Variants in PCDHGA3 observed in about 807,000 individuals in gnomAD.
PCDHGA3 encodes protocadherin gamma-A3.
A neutral mutation model predicts 58.5 loss-of-function variants in PCDHGA3; 40 were observed. The ratio of observed to expected loss-of-function variants is 0.68; its 90% confidence interval spans 0.53 to 0.89. The LOEUF (loss-of-function observed/expected upper bound fraction) is 0.89. PCDHGA3 is among the 40% of genes least tolerant of loss of function. The pLI is 0.00. For synonymous variants in PCDHGA3, 530 were observed against 525.7 expected (o/e 1.01, Z -0.11); for missense variants, 1,223 against 1,195.9 (o/e 1.02, Z -0.33).
chr5:141,344,204 G>A lies in PCDHGA3; in HGVS notation c.171G>A (p.Arg57=). Reference sequence around the variant, plus strand: ...CTAACGACCTGGGGCTAGAGCCCCGGGAGCTGGCGGAGCGCGGAGTCCGCA... The same window carrying A: ...CTAACGACCTGGGGCTAGAGCCCCGAGAGCTGGCGGAGCGCGGAGTCCGCA... The part of the protein sequence containing the change: ...NIANDLGLEP[R]ELAERGVRIV... The change falls in exon 1 of 4, where the codon CGG becomes CGA. Residue 57 remains arginine, a synonymous_variant. Transcript: ENST00000253812. The A allele has an allele frequency of 6.2e-7, 1 of 1,614,036 alleles. No homozygotes were observed. Among genetic ancestry groups the A allele is most frequent in the East Asian group, 2.2e-5 (1 of 44,880 alleles).
At chr5:141,420,291 G>A in intron 1 of PCDHGA3, 1 of 1,494,346 alleles carries the variant, frequency 6.7e-7, no homozygotes, top group Non-Finnish European at 9.0e-7. Context: ...ATTTAAAAAT[G>A]TATTTAATCC....
chr5:141,405,195 C>T, intron 1 of PCDHGA3: 1 of 1,613,786 alleles, frequency 6.2e-7, no homozygotes. Context: ...GGGGTTCGAG[C>T]TTTCCTACAG....
chr5:141,356,031 G>T (rs759003895), intron 1 of PCDHGA3: 1 of 1,613,836 alleles, frequency 6.2e-7, no homozygotes, highest in Admixed American at 1.7e-5. Flanking sequence ...ATGGAGACGT[G>T]ACGTATTCTT....
chr5:141,383,563 C>A, intron 1 of PCDHGA3: 2 of 1,613,150 alleles, frequency 1.2e-6, no homozygotes, highest in Non-Finnish European at 1.7e-6. Context: ...CGACCCGCCC[C>A]GATCCAGCAC....
intron 1 of PCDHGA3, chr5:141,403,394 C>A: frequency 6.2e-7 from 1 of 1,614,054 alleles, no homozygotes; most frequent in South Asian, 1.1e-5. Flanking sequence ...AATCGCGGTT[C>A]CTGGAGCACG....
At chr5:141,351,931 G>C in intron 1 of PCDHGA3, 2 of 1,613,280 alleles carry the variant, frequency 1.2e-6, no homozygotes, top group Non-Finnish European at 1.7e-6. Flanking sequence ...ATGCGCCACG[G>C]GTGCTGTACC....
intron 1 of PCDHGA3, chr5:141,384,132 C>T (rs1290502346): frequency 6.2e-7 from 1 of 1,611,710 alleles, no homozygotes; most frequent in Non-Finnish European, 8.5e-7. Context: ...AAAACTTGGA[C>T]CGGGAAACAC....
chr5:141,360,455 A>G (rs369787624), intron 1 of PCDHGA3: 1 of 1,613,980 alleles, frequency 6.2e-7, no homozygotes, highest in Non-Finnish European at 8.5e-7. Context: ...CTGGATTTCG[A>G]TACTGTCGCT....
intron 1 of PCDHGA3, chr5:141,405,141 A>G (rs749502643): frequency 6.2e-7 from 1 of 1,613,980 alleles, no homozygotes; most frequent in South Asian, 1.1e-5. Flanking sequence ...GCTACCAGTG[A>G]TGGGTTGGCT....
intron 1 of PCDHGA3, chr5:141,375,707 C>T (rs1483627086): frequency 1.1e-5 from 17 of 1,614,146 alleles, no homozygotes; most frequent in Non-Finnish European, 1.3e-5. Context: ...GGACCCGCCT[C>T]TTAGCAGCAA....
rs557311426 is a variant in PCDHGA3, at chr5:141,384,226, G to T, written c.2424+37769G>T. 56 of 1,613,860 alleles carry T rather than the reference G, an allele frequency of 3.5e-5. No homozygotes were observed. In the East Asian group the frequency reaches 1.2e-3, roughly 34 times the overall value. ...GGAAACTCACATATTCATGCAGGTGGCAGACACCAACGATAACCCACCCAC... is the reference window on the plus strand; with the variant it reads ...GGAAACTCACATATTCATGCAGGTGTCAGACACCAACGATAACCCACCCAC... On this transcript the variant is annotated intron_variant, in intron 1 of 3. Coordinates refer to ENST00000253812, the MANE Select transcript of PCDHGA3 (RefSeq NM_018916.4).
rs1763497131 is a variant in PCDHGA3 at position 141,364,712 on chromosome 5, G to C, written c.2424+18255G>C. 1.9e-6 allele frequency: 3 copies of C among 1,613,834 alleles called. No homozygotes were observed. In the Admixed American group the frequency reaches 5.0e-5, roughly 27 times the overall value. On this transcript the variant is annotated intron_variant, in intron 1 of 3. Coordinates refer to ENST00000253812, the MANE Select transcript of PCDHGA3 (RefSeq NM_018916.4). ...AGAAGTAGAAATAATCGATATTAAT[G>C]ATAACTTCCCGCGTTTCCGGGATGA...
chr5:141,379,107 T>G (rs74510444), intron 1 of PCDHGA3: 16 of 152,328 alleles, frequency 1.1e-4, no homozygotes, highest in African/African-American at 3.6e-4. Context: ...AAAAAGCAAT[T>G]GAGAAGATAC....
intron 1 of PCDHGA3, chr5:141,385,131 C>T (rs371376308): frequency 4.3e-6 from 7 of 1,614,082 alleles, no homozygotes; most frequent in Admixed American, 1.7e-5. Flanking sequence ...TGGGCATGGA[C>T]GGGGTGCAGG....
chr5:141,509,872 G>T (rs968745661), intron 3 of PCDHGA3, among the ~76,000 whole-genome samples: 16 of 152,166 alleles, frequency 1.1e-4, no homozygotes, highest in Non-Finnish European at 1.5e-5. Context: ...CCAAGCTGCT[G>T]GTGGTGATGG....
At chr5:141,445,768 T>A (rs2098476928) in intron 1 of PCDHGA3, among the ~76,000 whole-genome samples, 1 of 152,074 alleles carries the variant, frequency 6.6e-6, no homozygotes, top group Admixed American at 6.6e-5. Context: ...CTCAAGCAAT[T>A]TAAAAGGGCT....
At chr5:141,393,800 GA>G (rs1403705962) in intron 1 of PCDHGA3, 2 of 1,613,842 alleles carry the variant, frequency 1.2e-6, no homozygotes, top group Non-Finnish European at 1.7e-6. Flanking sequence ...CACTTCTGGG[GA>G]GGACCAAATT....
chr5:141,383,626 T>C (rs747491955), intron 1 of PCDHGA3: 1 of 1,613,896 alleles, frequency 6.2e-7, no homozygotes, highest in Non-Finnish European at 8.5e-7. Context: ...GCCTGTCTTC[T>C]CTCTGCCTCA....
Position 141,489,623 on chromosome 5 carries a change from A to T in PCDHGA3, c.2425-5184A>T, listed in dbSNP as rs924162827. On this transcript the variant is annotated intron_variant, in intron 1 of 3. Coordinates refer to ENST00000253812, the MANE Select transcript of PCDHGA3 (RefSeq NM_018916.4). This position sits in a 1 kb window ranked among gnomAD's most constrained non-coding sequence, Gnocchi z 4.5. ...GAGGTAGAGATCCTGGATCTCAATG[A>T]CAACTCTCCTAGCTTTGCCACCCCT... is the stretch of plus-strand genomic sequence containing the variant. The T allele has an allele frequency of 6.2e-7, 1 of 1,614,102 alleles. No homozygotes were observed. Among genetic ancestry groups the T allele is most frequent in the Non-Finnish European group, 8.5e-7 (1 of 1,179,996 alleles).
Sources: gnomAD v4.1 joint callset for allele counts (sites outside exome capture counted in the v4.1 genomes callset) on GRCh38, gnomAD v4.1.1 for gene constraint, Gnocchi (gnomAD v3.1) non-coding constraint, MANE v1.5 for transcripts, NCBI Gene and HGNC (gene_info 2026-07-23, HGNC 2026-07-21) for gene names.